The following GADL1 variants were observed in gnomAD, a reference collection of about 807,000 sequenced individuals.
GADL1 encodes the protein acidic amino acid decarboxylase GADL1.
A neutral mutation model predicts 69.5 loss-of-function variants in GADL1; 71 were observed. That is an observed-to-expected ratio of 1.02 (90% CI 0.84 to 1.25). The LOEUF is 1.25. GADL1 is among the 50% of genes most tolerant of loss of function. GADL1 has a pLI of 0.00. For synonymous variants in GADL1, 254 were observed against 214.4 expected (o/e 1.18, Z -1.62); for missense variants, 737 against 631.8 (o/e 1.17, Z -1.79).
At chr3:30,766,569 T>C (rs1424124581) in intron 14 of GADL1, among the ~76,000 whole-genome samples, 1 of 152,116 alleles carries the variant, frequency 6.6e-6, no homozygotes, top group East Asian at 1.9e-4. Flanking sequence ...TTTTTTCTCT[T>C]AATGAGGAAA....
Position 30,887,943 on chromosome 3 carries a change from T to A in GADL1, c.37+6635A>T, listed in dbSNP as rs527722145. On this transcript the variant is annotated intron_variant, in intron 1 of 14. Coordinates refer to ENST00000282538, the MANE Select transcript of GADL1 (RefSeq NM_207359.3). Reference sequence around the variant, plus strand: ...GGATTGGTTTCAGGTCCCCTATGGATACCAAAACCCGAGGCTGCTCAAGTC... The same window carrying A: ...GGATTGGTTTCAGGTCCCCTATGGAAACCAAAACCCGAGGCTGCTCAAGTC... Among the ~76,000 whole-genome samples, 5 of 152,322 alleles carry A rather than the reference T, an allele frequency of 3.3e-5. No homozygotes were observed. The South Asian group carries it at 1.0e-3, about 32-fold the overall frequency.
intron 11 of GADL1, among the ~76,000 whole-genome samples, chr3:30,817,040 TAAAATGAACCGTAG>T (rs1328912617): frequency 1.3e-5 from 2 of 152,140 alleles, no homozygotes; most frequent in African/African-American, 4.8e-5. Context: ...CCCAGTGACC[TAAAATGAACCGTAG>T]ACATTTTCTT....
chr3:30,754,043 TA>T (rs1294039859), intron 14 of GADL1, among the ~76,000 whole-genome samples: 2 of 152,252 alleles, frequency 1.3e-5, no homozygotes, highest in Non-Finnish European at 2.9e-5. Context: ...TTGTATTCTA[TA>T]TTTTCCACCT....
At chr3:30,838,780 A>AT (rs1697915827) in intron 9 of GADL1, among the ~76,000 whole-genome samples, 1 of 152,178 alleles carries the variant, frequency 6.6e-6, no homozygotes, top group South Asian at 2.1e-4. Flanking sequence ...TAAAAGAAGC[A>AT]AAATGGAATC....
At chr3:30,886,729 C>T (rs1209921055) in intron 1 of GADL1, among the ~76,000 whole-genome samples, 1 of 152,192 alleles carries the variant, frequency 6.6e-6, no homozygotes, top group Non-Finnish European at 1.5e-5. Flanking sequence ...TGCTTTGCAG[C>T]ATCCAGCCTG....
intron 13 of GADL1, among the ~76,000 whole-genome samples, chr3:30,780,514 T>C (rs546716350): frequency 6.6e-6 from 1 of 152,330 alleles, no homozygotes; most frequent in South Asian, 2.1e-4. Context: ...TGCTAATAAT[T>C]ATTGATATTA....
chr3:30,804,368 T>A (rs1697217456), intron 11 of GADL1, among the ~76,000 whole-genome samples: 2 of 152,264 alleles, frequency 1.3e-5, no homozygotes, highest in African/African-American at 2.4e-5. Context: ...AGAGACAACT[T>A]CTGCTGGTGG....
chr3:30,770,986 A>AT (rs1255312612), intron 14 of GADL1, among the ~76,000 whole-genome samples: 22 of 152,208 alleles, frequency 1.4e-4, no homozygotes, highest in Non-Finnish European at 2.8e-4. Context: ...GTAATAACAA[A>AT]TTTTATGCGT....
intron 3 of GADL1, among the ~76,000 whole-genome samples, chr3:30,856,707 C>G (rs1235621510): frequency 6.6e-6 from 1 of 152,018 alleles, no homozygotes; most frequent in Non-Finnish European, 1.5e-5. Flanking sequence ...TTTGGTCTAA[C>G]ACAAGAAATG....
At chr3:30,755,266 TG>T (rs1402038269) in intron 14 of GADL1, among the ~76,000 whole-genome samples, 4 of 146,340 alleles carry the variant, frequency 2.7e-5, no homozygotes, top group Admixed American at 6.7e-5. Context: ...GATGTTTACA[TG>T]GTGAAACCAT....
intron 1 of GADL1, among the ~76,000 whole-genome samples, chr3:30,865,679 G>A (rs910465188): frequency 2.0e-5 from 3 of 152,140 alleles, no homozygotes; most frequent in African/African-American, 7.2e-5. Context: ...CAGTCAGCAA[G>A]GCAAACCTGG....
chr3:30,861,805 A>G, intron 1 of GADL1, 40 bp from the exon 2 acceptor site: 1 of 1,385,412 alleles, frequency 7.2e-7, no homozygotes, highest in Non-Finnish European at 9.9e-7. Context: ...GAGATAATCT[A>G]ATTACACCAC....
intron 14 of GADL1, among the ~76,000 whole-genome samples, chr3:30,768,771 G>A (rs1449903627): frequency 6.6e-6 from 1 of 152,168 alleles, no homozygotes; most frequent in Admixed American, 6.5e-5. Flanking sequence ...ACTTAGGTGA[G>A]TCTTTCTTGG....
chr3:30,779,586 G>A (rs1285961785), intron 13 of GADL1, among the ~76,000 whole-genome samples: 1 of 152,160 alleles, frequency 6.6e-6, no homozygotes, highest in Non-Finnish European at 1.5e-5. Flanking sequence ...AAACCACAAT[G>A]ACTTTTGCAG....
chr3:30,768,318 G>GT (rs1696332748), intron 14 of GADL1, among the ~76,000 whole-genome samples: 1 of 152,054 alleles, frequency 6.6e-6, no homozygotes, highest in Non-Finnish European at 1.5e-5. Flanking sequence ...ATTGAGAATG[G>GT]TTTTATAAAT....
At chr3:30,870,967 G>T (rs1698471662) in intron 1 of GADL1, among the ~76,000 whole-genome samples, 1 of 151,410 alleles carries the variant, frequency 6.6e-6, no homozygotes, top group Non-Finnish European at 1.5e-5. Context: ...ATAGGAATTG[G>T]TCATGATGAC....
At chr3:30,825,642 T>TA (rs1440148436) in intron 11 of GADL1, among the ~76,000 whole-genome samples, 1 of 146,846 alleles carries the variant, frequency 6.8e-6, no homozygotes, top group Non-Finnish European at 1.5e-5. Context: ...AGAGTAGCGA[T>TA]AAAAGAGAAG....
At chr3:30,778,603 C>T (rs1696591722) in intron 13 of GADL1, 1 of 190,650 alleles carries the variant, frequency 5.2e-6, no homozygotes, top group South Asian at 1.3e-4. Flanking sequence ...GATCCTCTCT[C>T]TCCAACACTG....
At chr3:30,835,669 G>A (rs1210699060) in intron 9 of GADL1, among the ~76,000 whole-genome samples, 1 of 151,962 alleles carries the variant, frequency 6.6e-6, no homozygotes, top group Non-Finnish European at 1.5e-5. Flanking sequence ...TAAAATTTGA[G>A]CCCTGCCAAC....
Sources: gnomAD v4.1 joint callset for allele counts (sites outside exome capture counted in the v4.1 genomes callset) on GRCh38, gnomAD v4.1.1 for gene constraint, MANE v1.5 for transcripts, NCBI Gene and HGNC (gene_info 2026-07-23, HGNC 2026-07-21) for gene names.